ZNF793: variants seen among roughly 807,000 people sequenced by gnomAD.
ZNF793 encodes zinc finger protein 793.
A neutral mutation model predicts 12.4 loss-of-function variants in ZNF793; 5 were observed. That is an observed-to-expected ratio of 0.40 (90% CI 0.21 to 0.84). The LOEUF (loss-of-function observed/expected upper bound fraction) is 0.84. Ranked by LOEUF, ZNF793 falls within the 40% of genes least tolerant of loss-of-function variation. The pLI is 0.35. For synonymous variants in ZNF793, 162 were observed against 172.4 expected, an observed-to-expected ratio of 0.94 and a Z score of 0.47; for missense variants, 456 against 495.0, an observed-to-expected ratio of 0.92 and a Z score of 0.75.
intron 5 of ZNF793, among the ~76,000 whole-genome samples, chr19:37,524,272 T>C (rs2147083816): frequency 6.6e-6 from 1 of 152,144 alleles, no homozygotes; most frequent in East Asian, 1.9e-4. Flanking sequence ...CATACTGCTG[T>C]AACCAACATG....
chr19:37,537,418 C>G lies in ZNF793; in HGVS notation c.760C>G (p.Pro254Ala). 3.7e-6 allele frequency: 6 copies of G among 1,613,124 alleles called. No individual in the cohort carries two copies. Among genetic ancestry groups the G allele is most frequent in the Non-Finnish European group, 5.1e-6 (6 of 1,179,432 alleles). ...TCAGAGAAGTCACACTGGGGAGAAG[C>G]CTTATGGCTGCACTGACTGTGGGAA... ...RHQRSHTGEKPYGCTDCGKAF... is the reference protein window; with the variant it reads ...RHQRSHTGEKAYGCTDCGKAF... Residue 254 changes from proline (P) to alanine (A), a missense_variant, in exon 8 of 8, where the codon CCT becomes GCT. Transcript: ENST00000627814.
At position 37,539,206 on chromosome 19, in the gene ZNF793, C is replaced by T. The variant is rs1253268317; in HGVS notation, c.*1327C>T. On this transcript the variant is annotated 3_prime_UTR_variant, in exon 8 of 8. Coordinates refer to ENST00000627814, the MANE Select transcript of ZNF793 (RefSeq NM_001013659.3). ...TACTGGGTAAATGAAACACTGTAAA[C>T]TATTTGACAAAATGTAGTGTCACCC... 6.6e-6 allele frequency: 1 copy of T among 152,152 alleles called. No individual in the cohort carries two copies. Among genetic ancestry groups the T allele is most frequent in the Non-Finnish European group, 1.5e-5 (1 of 68,024 alleles). The allele number at this position is 152,152 out of a possible 1,614,324, so 9.4% of individuals were successfully genotyped here. A position where few individuals can be genotyped will look rare whatever the true frequency, so the allele number is the denominator to read the frequency against.
chr19:37,513,100 A>G (rs2042306093), intron 2 of ZNF793, among the ~76,000 whole-genome samples: 1 of 152,184 alleles, frequency 6.6e-6, no homozygotes, highest in Non-Finnish European at 1.5e-5. Flanking sequence ...ACCAGAAGGT[A>G]CACAGTGTTG....
At position 37,523,301 on chromosome 19, in the gene ZNF793, T is replaced by C; in HGVS notation, c.-30-109T>C. The C allele has an allele frequency of 4.6e-6, 4 of 866,286 alleles. No individual in the cohort carries two copies. In the South Asian group the frequency reaches 4.8e-5, roughly 10 times the overall value. The allele number at this position is 866,286 out of a possible 1,614,324, so 53.7% of individuals were successfully genotyped here. On this transcript the variant is annotated intron_variant, in intron 4 of 7. Transcript: ENST00000627814. ...CACACCCAGCTAAAAGCATGGATTT[T>C]TGTACAATATTTACAAAGGGAATTT...
intron 3 of ZNF793, among the ~76,000 whole-genome samples, chr19:37,521,429 C>CTTTTT (rs74174472): frequency 8.2e-5 from 8 of 97,024 alleles, no homozygotes; most frequent in Admixed American, 2.3e-4. Flanking sequence ...GGTCAATTCT[C>CTTTTT]TTTTTTTTTT....
chr19:37,536,193 C>G (rs2042503389), intron 7 of ZNF793: 7 of 358,598 alleles, frequency 2.0e-5, no homozygotes, highest in Middle Eastern at 7.0e-4. Context: ...TCTGTTTCAC[C>G]TTAGAGTGCT....
At position 37,516,439 on chromosome 19, in the gene ZNF793, TCTAGTTTTAAGATTGTGA is replaced by T. The variant is rs1469939353; in HGVS notation, c.-275-3742_-275-3725del. Among the ~76,000 whole-genome samples the T allele has an allele frequency of 5.9e-5, 9 of 152,066 alleles. No homozygotes were observed. The East Asian group carries it at 1.8e-3, about 30-fold the overall frequency. ...GTGAGCCACTGTGCCCGGCCTATGATCTAGTTTTAAGATTGTGACTGAGAGCATCCAGATGATGGTATC... is the reference window on the plus strand; with the variant it reads ...GTGAGCCACTGTGCCCGGCCTATGATCTGAGAGCATCCAGATGATGGTATC... On this transcript the variant is annotated intron_variant, in intron 2 of 7. Transcript: ENST00000627814.
rs1232853441 is a variant in ZNF793 at position 37,523,395 on chromosome 19, C to G, written c.-30-15C>G. The G allele has an allele frequency of 1.2e-6, 2 of 1,604,394 alleles. No individual in the cohort carries two copies. The highest frequency in any genetic ancestry group is 8.5e-7 in the Non-Finnish European group (1 of 1,171,292). ...TTCTCTCTTTCTCCATCTTCTTCCCCCCACATGTCTACAGGTGTCAGATCT... is the reference window on the plus strand; with the variant it reads ...TTCTCTCTTTCTCCATCTTCTTCCCGCCACATGTCTACAGGTGTCAGATCT... On this transcript the variant is annotated splice_polypyrimidine_tract_variant and intron_variant, in intron 4 of 7. Transcript: ENST00000627814.
At position 37,542,410 on chromosome 19, in the gene ZNF793, G is replaced by T. The variant is rs903807740; in HGVS notation, c.*4531G>T. On this transcript the variant is annotated 3_prime_UTR_variant, in exon 8 of 8. Coordinates refer to ENST00000627814, the MANE Select transcript of ZNF793 (RefSeq NM_001013659.3). ...GATTCCATCTCAAAAGAAAAGAAAA[G>T]AAATCTGTTAATATTATTAAAATAT... 5.4e-6 allele frequency: 2 copies of T among 371,662 alleles called. No homozygotes were observed. Among genetic ancestry groups the T allele is most frequent in the African/African-American group, 2.1e-5 (1 of 47,058 alleles). 23.0% of individuals were successfully genotyped at this position (371,662 alleles called of 1,614,324 possible).
rs554158217 is a variant in ZNF793 at position 37,510,247 on chromosome 19, G to A, written c.-276+1844G>A. On this transcript the variant is annotated intron_variant, in intron 2 of 7. Coordinates refer to ENST00000627814, the MANE Select transcript of ZNF793 (RefSeq NM_001013659.3). ...AGTCTGGGCATGTTGGCTGATGCCT[G>A]TAATCCCAGCACTTTGGGAGGCCGA... Among the ~76,000 whole-genome samples the A allele has an allele frequency of 7.9e-5, 12 of 151,878 alleles. No individual in the cohort carries two copies. In the South Asian group the frequency reaches 2.5e-3, roughly 32 times the overall value.
In ZNF793 at chr19:37,542,978, CG is replaced by C. The variant is rs2042561375; in HGVS notation, c.*5102del. On this transcript the variant is annotated 3_prime_UTR_variant, in exon 8 of 8. Coordinates refer to ENST00000627814, the MANE Select transcript of ZNF793 (RefSeq NM_001013659.3). The stretch of plus-strand genomic sequence containing the variant: ...GAAAAATACATAAATGACTGAATCA[CG>C]GGTGATACCACAAATGTGTGAGTTA... 6.6e-6 allele frequency: 1 copy of C among 151,800 alleles called. No individual in the cohort carries two copies. Among genetic ancestry groups the C allele is most frequent in the East Asian group, 1.9e-4 (1 of 5,172 alleles). 9.4% of individuals were successfully genotyped at this position (151,800 alleles called of 1,614,324 possible).
chr19:37,528,436 C>A (rs1434691362), intron 5 of ZNF793, among the ~76,000 whole-genome samples: 1 of 151,932 alleles, frequency 6.6e-6, no homozygotes, highest in Non-Finnish European at 1.5e-5. Context: ...CCAAAGCCCT[C>A]ATTATAAACC....
chr19:37,533,145 AG>A (rs2042475419), intron 6 of ZNF793, among the ~76,000 whole-genome samples, 162 bp from the exon 7 acceptor site: 2 of 152,094 alleles, frequency 1.3e-5, no homozygotes, highest in African/African-American at 4.8e-5. Flanking sequence ...GTGTGGCTTG[AG>A]TTTCCATGGT....
Position 37,537,154 on chromosome 19 carries a change from T to G in ZNF793, c.496T>G (p.Cys166Gly). ...AAACTGTGCAAAAAAGCAAGATGAGTGTTATGCTTATGGGAAATTGCTTCA... is the reference window on the plus strand; with the variant it reads ...AAACTGTGCAAAAAAGCAAGATGAGGGTTATGCTTATGGGAAATTGCTTCA... Reference protein sequence around the residue: ...KRNCAKKQDECYAYGKLLQRI... With the variant: ...KRNCAKKQDEGYAYGKLLQRI... The change falls in exon 8 of 8, where the codon TGT (cysteine) becomes GGT (glycine). Residue 166 changes from cysteine (C) to glycine (G), a missense_variant. Transcript: ENST00000627814. 1 of 1,613,452 alleles carries G rather than the reference T, an allele frequency of 6.2e-7. No homozygotes were observed. The highest frequency in any genetic ancestry group is 2.2e-5 in the East Asian group (1 of 44,874).
chr19:37,537,646 C>T lies in ZNF793; in HGVS notation c.988C>T (p.Arg330Ter), dbSNP rs867145239. Residue 330 changes from arginine (R) to a stop codon, truncating the protein, a stop_gained, in exon 8 of 8, where the codon CGA (arginine) becomes TGA (stop). Transcript: ENST00000627814. LOFTEE classifies it low-confidence loss of function (END_TRUNC). ...FGEKSYLNVHRKMHTGERPYR... is the reference protein window; with the variant it reads ...FGEKSYLNVH Reference sequence around the variant, plus strand: ...TGAGAAGTCATACCTCAATGTACATCGAAAAATGCACACAGGAGAAAGACC... The same window carrying T: ...TGAGAAGTCATACCTCAATGTACATTGAAAAATGCACACAGGAGAAAGACC... 24 of 1,613,526 alleles carry T rather than the reference C, an allele frequency of 1.5e-5. No individual in the cohort carries two copies. The highest frequency in any genetic ancestry group is 1.6e-4 in the Middle Eastern group (1 of 6,084).
chr19:37,527,981 T>C (rs935664013), intron 5 of ZNF793, among the ~76,000 whole-genome samples: 5 of 150,638 alleles, frequency 3.3e-5, no homozygotes, highest in African/African-American at 1.2e-4. Context: ...ATACAAAAAT[T>C]AGCTGGGCGT....
chr19:37,509,807 C>A (rs991197958), intron 2 of ZNF793, among the ~76,000 whole-genome samples: 1 of 152,046 alleles, frequency 6.6e-6, no homozygotes, highest in Admixed American at 6.6e-5. Context: ...AGGGAATACC[C>A]CTGGGTAATG....
chr19:37,529,306 T>C (rs1259018267), intron 5 of ZNF793, among the ~76,000 whole-genome samples: 1 of 152,202 alleles, frequency 6.6e-6, no homozygotes, highest in African/African-American at 2.4e-5. Context: ...TAACGGTTAC[T>C]GTCCTGCTTG....
At chr19:37,521,779 T>C (rs1438439688) in intron 3 of ZNF793, among the ~76,000 whole-genome samples, 1 of 152,042 alleles carries the variant, frequency 6.6e-6, no homozygotes, top group East Asian at 1.9e-4. Context: ...TGGAAATTTT[T>C]TTCCAAAAAA....
Sources: gnomAD v4.1 joint callset for allele counts (sites outside exome capture counted in the v4.1 genomes callset) on GRCh38, gnomAD v4.1.1 for gene constraint, MANE v1.5 for transcripts, NCBI Gene and HGNC (gene_info 2026-07-23, HGNC 2026-07-21) for gene names.